DNMBP: variants seen among roughly 807,000 people sequenced by gnomAD.
DNMBP encodes the protein dynamin-binding protein.
DNMBP carries 87 observed loss-of-function variants against 150.0 expected under a neutral mutation model. That is an observed-to-expected ratio of 0.58 (90% CI 0.49 to 0.69). The LOEUF (loss-of-function observed/expected upper bound fraction) is 0.69. DNMBP is among the 30% of genes least tolerant of loss of function. The pLI is 0.00. For synonymous variants in DNMBP, 711 were observed against 750.4 expected, an observed-to-expected ratio of 0.95 and a Z score of 0.86; for missense variants, 1,774 against 1,949.0, an observed-to-expected ratio of 0.91 and a Z score of 1.69.
intron 11 of DNMBP, among the ~76,000 whole-genome samples, chr10:99,893,363 G>A (rs2039602331): frequency 2.6e-5 from 4 of 152,174 alleles, no homozygotes; most frequent in Admixed American, 2.0e-4. Flanking sequence ...AACTACAAGC[G>A]ATTTAAATAT....
At chr10:99,997,943 A>AAAAG (rs1333196944) in intron 1 of DNMBP, among the ~76,000 whole-genome samples, 3 of 149,034 alleles carry the variant, frequency 2.0e-5, no homozygotes, top group Non-Finnish European at 3.0e-5. Context: ...AAAAAAAAAA[A>AAAAG]AAAAAAAAAA....
chr10:99,936,018 C>T (rs117035368), intron 4 of DNMBP, among the ~76,000 whole-genome samples: 8 of 152,248 alleles, frequency 5.3e-5, no homozygotes, highest in Non-Finnish European at 7.4e-5. Flanking sequence ...ATTCCTTGAA[C>T]ACCTCTGACT....
At chr10:99,959,680 G>A (rs910638519) in intron 3 of DNMBP, among the ~76,000 whole-genome samples, 8 of 151,286 alleles carry the variant, frequency 5.3e-5, no homozygotes, top group African/African-American at 1.7e-4. Flanking sequence ...TAGTGAGACC[G>A]CGTCTCTATT....
At chr10:99,990,694 T>C (rs527333585) in intron 1 of DNMBP, among the ~76,000 whole-genome samples, 3 of 150,388 alleles carry the variant, frequency 2.0e-5, no homozygotes, top group South Asian at 2.1e-4. Context: ...CACATATATA[T>C]ACACACACAT....
At chr10:99,913,189 C>A (rs148851309) in intron 4 of DNMBP, among the ~76,000 whole-genome samples, 6 of 152,054 alleles carry the variant, frequency 3.9e-5, no homozygotes, top group Non-Finnish European at 8.8e-5. Context: ...GCCTTCACCC[C>A]CAGCCAGCTG....
chr10:99,930,761 C>A, intron 4 of DNMBP: 1 of 661,110 alleles, frequency 1.5e-6, no homozygotes, highest in Non-Finnish European at 2.7e-6. Context: ...GGGTTTCACA[C>A]ATATTCTATG....
intron 6 of DNMBP, among the ~76,000 whole-genome samples, chr10:99,906,800 C>A (rs1029896791): frequency 6.6e-6 from 1 of 152,164 alleles, no homozygotes; most frequent in Admixed American, 6.5e-5. Flanking sequence ...AACCACCCAG[C>A]GGAGCCACCT....
chr10:99,879,632 G>A (rs1181352087), intron 16 of DNMBP, among the ~76,000 whole-genome samples, 179 bp downstream of exon 16: 2 of 152,158 alleles, frequency 1.3e-5, no homozygotes, highest in Non-Finnish European at 1.5e-5. Context: ...TATCAGCAGG[G>A]GAAGGTGCTC....
At chr10:99,942,558 T>C (rs2040311941) in intron 4 of DNMBP, among the ~76,000 whole-genome samples, 1 of 152,224 alleles carries the variant, frequency 6.6e-6, no homozygotes, top group South Asian at 2.1e-4. Flanking sequence ...CTGCAAAGCC[T>C]CAGTGAAATC....
At chr10:99,895,425 G>T in intron 10 of DNMBP, among the ~76,000 whole-genome samples, 1 of 152,340 alleles carries the variant, frequency 6.6e-6, no homozygotes, top group East Asian at 1.9e-4. Flanking sequence ...ACCACGCCCA[G>T]CCAAAAGTAG....
intron 4 of DNMBP, among the ~76,000 whole-genome samples, chr10:99,943,023 C>G (rs2040317439): frequency 6.6e-6 from 1 of 152,122 alleles, no homozygotes; most frequent in Non-Finnish European, 1.5e-5. Flanking sequence ...TGGCTTACAC[C>G]TGTAATCCCA....
At chr10:99,990,762 T>C (rs1415947452) in intron 1 of DNMBP, among the ~76,000 whole-genome samples, 2 of 119,270 alleles carry the variant, frequency 1.7e-5, no homozygotes, top group African/African-American at 3.5e-5. Flanking sequence ...TACACATATA[T>C]ACACATATAT....
chr10:99,896,457 A>C, intron 9 of DNMBP, 60 bp from the exon 10 acceptor site: 1 of 1,571,548 alleles, frequency 6.4e-7, no homozygotes, highest in Non-Finnish European at 8.8e-7. Context: ...AATGAGCCAT[A>C]AAATGAGATG....
intron 1 of DNMBP, among the ~76,000 whole-genome samples, chr10:99,985,839 C>T (rs1487813658): frequency 1.3e-5 from 2 of 152,178 alleles, no homozygotes. Context: ...CAACCTCTGC[C>T]TCCTGCACTC....
intron 1 of DNMBP, among the ~76,000 whole-genome samples, chr10:99,972,707 C>A (rs2040690899): frequency 6.6e-6 from 1 of 152,206 alleles, no homozygotes. Context: ...AGCTCCTGGG[C>A]TCAAGTGATC....
chr10:99,906,218 C>T (rs2039823577), intron 6 of DNMBP, among the ~76,000 whole-genome samples: 1 of 152,132 alleles, frequency 6.6e-6, no homozygotes, highest in Admixed American at 6.6e-5. Context: ...AGTGTCATGA[C>T]CCATTCCCCT....
At chr10:99,912,845 C>T (rs2133252864) in intron 4 of DNMBP, among the ~76,000 whole-genome samples, 1 of 152,292 alleles carries the variant, frequency 6.6e-6, no homozygotes, top group Admixed American at 6.5e-5. Flanking sequence ...TTTCTGAAGA[C>T]ACAGGTGACC....
At chr10:99,877,635 G>A (rs2039297342) in intron 16 of DNMBP, among the ~76,000 whole-genome samples, 1 of 152,120 alleles carries the variant, frequency 6.6e-6, no homozygotes, top group African/African-American at 2.4e-5. Flanking sequence ...AGGCTGAGAT[G>A]GGTGGATCAC....
chr10:99,994,138 C>T (rs1475035324), intron 1 of DNMBP, among the ~76,000 whole-genome samples: 2 of 152,090 alleles, frequency 1.3e-5, no homozygotes, highest in African/African-American at 4.8e-5. Flanking sequence ...AGTTAGGAGC[C>T]CAGACTCCAG....
Sources: allele counts gnomAD v4.1 joint callset (sites outside exome capture counted in the v4.1 genomes callset), GRCh38; gene constraint gnomAD v4.1.1; transcripts MANE v1.5; gene names NCBI Gene and HGNC (gene_info 2026-07-23, HGNC 2026-07-21).